NAALADL2: variants seen among roughly 807,000 people sequenced by gnomAD.
NAALADL2 encodes the protein inactive N-acetylated-alpha-linked acidic dipeptidase-like protein 2.
In NAALADL2, 76 loss-of-function variants were observed where a neutral mutation model predicts 87.2. That is an observed-to-expected ratio of 0.87 (90% CI 0.72 to 1.05). The LOEUF (loss-of-function observed/expected upper bound fraction) is 1.05. NAALADL2 is among the 50% of genes least tolerant of loss of function. NAALADL2 has a pLI of 0.00. For missense variants in NAALADL2, 1,089 were observed against 945.8 expected, an observed-to-expected ratio of 1.15 and a Z score of -1.99; for synonymous variants, 354 against 331.0, an observed-to-expected ratio of 1.07 and a Z score of -0.75.
chr3:174,712,677 C>T lies in NAALADL2; in HGVS notation c.-114-24964C>T, dbSNP rs184465867. Among the ~76,000 whole-genome samples the T allele has an allele frequency of 1.7e-3, 260 of 152,104 alleles. 1 individual carries two copies. Among genetic ancestry groups the T allele is most frequent in the Middle Eastern group, 6.8e-3 (2 of 292 alleles). ...CTGGGATTACAGGCGTCAGCTACCG[C>T]GCTCGGCCTCACTTCTACTCTTAAC... On this transcript the variant is annotated intron_variant, in intron 2 of 3. Transcript: ENST00000434257.
At chr3:175,655,276 T>G (rs1731302679) in intron 11 of NAALADL2, among the ~76,000 whole-genome samples, 2 of 152,154 alleles carry the variant, frequency 1.3e-5, no homozygotes, top group Admixed American at 1.3e-4. Context: ...TATCATAAAA[T>G]AGGTGAGTAT....
chr3:175,157,726 T>C (rs1732534791), intron 2 of NAALADL2, among the ~76,000 whole-genome samples: 1 of 152,048 alleles, frequency 6.6e-6, no homozygotes, highest in Non-Finnish European at 1.5e-5. Context: ...TCCCAGTTGA[T>C]TGTCATCTCT....
upstream of NAALADL2, among the ~76,000 whole-genome samples, chr3:174,855,978 GTGTATATA>G (rs1234169367): frequency 5.3e-3 from 444 of 83,252 alleles, 4 homozygotes; most frequent in African/African-American, 0.022. Flanking sequence ...GTGTGTGTGT[GTGTATATA>G]TATATATATA....
intron 9 of NAALADL2, among the ~76,000 whole-genome samples, chr3:175,486,873 C>T (rs968363717): frequency 1.3e-5 from 2 of 152,134 alleles, no homozygotes; most frequent in Non-Finnish European, 2.9e-5. Context: ...CCTATTGGCT[C>T]TCTGTCAGCC....
At chr3:175,586,515 C>A (rs1720563541) in intron 10 of NAALADL2, among the ~76,000 whole-genome samples, 1 of 152,188 alleles carries the variant, frequency 6.6e-6, no homozygotes, top group African/African-American at 2.4e-5. Context: ...TTTCTACAGT[C>A]TCTTCTCAAT....
chr3:174,884,977 C>T (rs116584303), intron 1 of NAALADL2, among the ~76,000 whole-genome samples: 1 of 152,092 alleles, frequency 6.6e-6, no homozygotes, highest in Non-Finnish European at 1.5e-5. Flanking sequence ...TCAGGCAGCA[C>T]AGTGTTTATC....
intron 11 of NAALADL2, among the ~76,000 whole-genome samples, chr3:175,692,296 G>A (rs1443011876): frequency 6.6e-6 from 1 of 152,032 alleles, no homozygotes; most frequent in Non-Finnish European, 1.5e-5. Flanking sequence ...TCTTGAGAAT[G>A]ATATAGAGCT....
intron 1 of NAALADL2, among the ~76,000 whole-genome samples, chr3:174,930,492 C>G (rs1736697950): frequency 6.7e-6 from 1 of 150,338 alleles, no homozygotes; most frequent in African/African-American, 2.4e-5. Context: ...TAGCCTTAAA[C>G]AAAGCCCTTT....
chr3:174,555,974 CGTGTGTGTGTGTGT>C (rs66968495), intron 2 of NAALADL2, among the ~76,000 whole-genome samples: 8 of 142,626 alleles, frequency 5.6e-5, no homozygotes, highest in Admixed American at 3.5e-4. Flanking sequence ...CCTTATCCTC[CGTGTGTGTGTGTGT>C]GTGTGTGTGT....
chr3:175,569,969 T>C (rs1717796015), intron 9 of NAALADL2, among the ~76,000 whole-genome samples: 1 of 152,096 alleles, frequency 6.6e-6, no homozygotes, highest in African/African-American at 2.4e-5. Context: ...ATTTGTCTCA[T>C]GTGGTTATGG....
intron 6 of NAALADL2, among the ~76,000 whole-genome samples, chr3:175,461,254 T>C (rs1272089562): frequency 1.3e-5 from 2 of 151,992 alleles, no homozygotes; most frequent in African/African-American, 2.4e-5. Context: ...GAGTGCTGAT[T>C]GGTGCATTTA....
intron 3 of NAALADL2, chr3:174,737,856 A>G (rs1008199524): frequency 2.0e-5 from 3 of 152,226 alleles, no homozygotes; most frequent in East Asian, 1.9e-4. Flanking sequence ...TAATTTTGAA[A>G]AAAGAAGACT....
chr3:175,192,335 T>C (rs961057515), intron 2 of NAALADL2, among the ~76,000 whole-genome samples: 2 of 152,118 alleles, frequency 1.3e-5, no homozygotes, highest in African/African-American at 4.8e-5. Flanking sequence ...TAGATTTTTA[T>C]AAGATTCAGT....
At chr3:175,392,931 A>G (rs1325506406) in intron 5 of NAALADL2, among the ~76,000 whole-genome samples, 1 of 152,180 alleles carries the variant, frequency 6.6e-6, no homozygotes, top group East Asian at 1.9e-4. Context: ...ACTACAAATC[A>G]AAATCTTTTG....
chr3:174,565,212 C>T (rs1207295535), intron 2 of NAALADL2, among the ~76,000 whole-genome samples: 4 of 152,042 alleles, frequency 2.6e-5, no homozygotes, highest in Non-Finnish European at 5.9e-5. Context: ...TTAGGATTTT[C>T]TTTGTATTGT....
rs138879181 is a variant in NAALADL2, at chr3:174,591,310, G to A, written c.-115+40673G>A. ...CAAATAGGGAATTATGTTTGGATTGGCTGGACAAATAGAAAAGAACGGTGC... is the reference window on the plus strand; with the variant it reads ...CAAATAGGGAATTATGTTTGGATTGACTGGACAAATAGAAAAGAACGGTGC... On this transcript the variant is annotated intron_variant, in intron 2 of 3. Transcript: ENST00000434257. Among the ~76,000 whole-genome samples, 294 of 152,252 alleles carry A rather than the reference G, an allele frequency of 1.9e-3. 1 individual carries two copies. The highest frequency in any genetic ancestry group is 6.8e-3 in the Middle Eastern group (2 of 294).
At chr3:174,653,383 G>A (rs570527596) in intron 2 of NAALADL2, among the ~76,000 whole-genome samples, 1 of 152,198 alleles carries the variant, frequency 6.6e-6, no homozygotes, top group East Asian at 1.9e-4. Flanking sequence ...TTGAGCTTTT[G>A]TTCTTCATAT....
chr3:175,199,835 TATATATATATATATATATA>T (rs1739582478), intron 2 of NAALADL2, among the ~76,000 whole-genome samples: 1 of 11,250 alleles, frequency 8.9e-5, no homozygotes, highest in East Asian at 2.5e-3. Flanking sequence ...TATATATATA[TATATATATATATATATATA>T]TATATATATA....
At chr3:175,143,868 T>C (rs1730375881) in intron 2 of NAALADL2, among the ~76,000 whole-genome samples, 1 of 151,964 alleles carries the variant, frequency 6.6e-6, no homozygotes. Context: ...ATACAGTATA[T>C]TTAACCTCAA....
Sources: gnomAD v4.1 joint callset for allele counts (sites outside exome capture counted in the v4.1 genomes callset) on GRCh38, gnomAD v4.1.1 for gene constraint, MANE v1.5 for transcripts, NCBI Gene and HGNC (gene_info 2026-07-23, HGNC 2026-07-21) for gene names.